Variants in MICU3 observed in about 807,000 individuals in gnomAD.
MICU3 encodes the protein calcium uptake protein 3, mitochondrial.
MICU3 carries 62 observed loss-of-function variants against 66.5 expected under a neutral mutation model. That is an observed-to-expected ratio of 0.93 (90% CI 0.76 to 1.15). MICU3 has a LOEUF of 1.15. Ranked by LOEUF, MICU3 falls within the 50% of genes most tolerant of loss-of-function variation. The pLI, the probability that MICU3 is intolerant of heterozygous loss-of-function variation, is 0.00. For missense variants in MICU3, 779 were observed against 664.4 expected, an observed-to-expected ratio of 1.17 and a Z score of -1.90; for synonymous variants, 308 against 240.7, an observed-to-expected ratio of 1.28 and a Z score of -2.59.
chr8:17,072,470 A>G (rs1201697651), intron 3 of MICU3, among the ~76,000 whole-genome samples: 7 of 150,872 alleles, frequency 4.6e-5, no homozygotes, highest in Non-Finnish European at 8.9e-5. Context: ...TTTTTTTTAG[A>G]TAAGACACAA....
intron 2 of MICU3, among the ~76,000 whole-genome samples, chr8:17,066,872 A>G (rs1469657222): frequency 2.0e-5 from 3 of 151,890 alleles, no homozygotes; most frequent in Non-Finnish European, 4.4e-5. Flanking sequence ...GAAAAATTTT[A>G]CTTCATTATT....
chr8:17,104,543 A>T, intron 10 of MICU3, 52 bp downstream of exon 10: 1 of 968,236 alleles, frequency 1.0e-6, no homozygotes, highest in Non-Finnish European at 1.5e-6. Flanking sequence ...CTGAAATCAG[A>T]AGGATCTTTA....
rs1379773586 is a variant in MICU3 at position 17,058,069 on chromosome 8, C to T, written c.382-6015C>T. Among the ~76,000 whole-genome samples the T allele has an allele frequency of 3.3e-5, 5 of 152,172 alleles. No individual in the cohort carries two copies. The South Asian group carries it at 8.3e-4, about 25-fold the overall frequency. ...TTCACCATGTTGGCCAGGCTGGTCT[C>T]GAACTCCTGACCGCAGGTGATCCAC... is the stretch of plus-strand genomic sequence containing the variant. On this transcript the variant is annotated intron_variant, in intron 1 of 14. Coordinates refer to ENST00000318063, the MANE Select transcript of MICU3 (RefSeq NM_181723.3).
chr8:17,050,236 G>T (rs1326016333), intron 1 of MICU3, among the ~76,000 whole-genome samples: 1 of 152,038 alleles, frequency 6.6e-6, no homozygotes, highest in African/African-American at 2.4e-5. Context: ...GTAATGAGCA[G>T]TTTTCTTACA....
Position 17,116,611 on chromosome 8 carries a change from A to C in MICU3, c.1524+11A>C, listed in dbSNP as rs371055888. 2.6e-6 allele frequency: 4 copies of C among 1,535,722 alleles called. No individual in the cohort carries two copies. In the African/African-American group the frequency reaches 5.7e-5, roughly 22 times the overall value. ...CATAGAGGATTCCGGGTAAACCTAC[A>C]CATTTTAAACCTATTGATATCCTTT... On this transcript the variant is annotated intron_variant, in intron 13 of 14. Coordinates refer to ENST00000318063, the MANE Select transcript of MICU3 (RefSeq NM_181723.3).
At chr8:17,086,455 C>A (rs74530515) in intron 6 of MICU3, among the ~76,000 whole-genome samples, 128 of 152,200 alleles carry the variant, frequency 8.4e-4, no homozygotes, top group African/African-American at 2.9e-3. Context: ...AGCCTTCATT[C>A]CAGTGCTTTG....
At position 17,098,556 on chromosome 8, in the gene MICU3, A is replaced by G. The variant is rs767381722; in HGVS notation, c.984+3A>G. On this transcript the variant is annotated splice_donor_region_variant and intron_variant, in intron 9 of 14. Coordinates refer to ENST00000318063, the MANE Select transcript of MICU3 (RefSeq NM_181723.3). Reference sequence around the variant, plus strand: ...CACTGTTTTCAGACCTCGCAGAGGTATAATTAAACCTCAACAAGGTCCTTG... The same window carrying G: ...CACTGTTTTCAGACCTCGCAGAGGTGTAATTAAACCTCAACAAGGTCCTTG... The G allele has an allele frequency of 1.3e-6, 2 of 1,580,954 alleles. No individual in the cohort carries two copies. The highest frequency in any genetic ancestry group is 1.1e-5 in the South Asian group (1 of 90,350).
intron 2 of MICU3, among the ~76,000 whole-genome samples, chr8:17,065,922 A>G (rs528875557): frequency 7.9e-5 from 12 of 152,196 alleles, no homozygotes; most frequent in African/African-American, 2.2e-4. Flanking sequence ...AAAGATTTTA[A>G]CAAGAAACTA....
intron 4 of MICU3, among the ~76,000 whole-genome samples, chr8:17,078,907 A>G (rs1210966202): frequency 2.0e-5 from 3 of 152,178 alleles, no homozygotes; most frequent in African/African-American, 7.2e-5. Context: ...AAAGATTGCC[A>G]TTCAGATCTT....
chr8:17,085,207 G>T, intron 5 of MICU3, 29 bp from the exon 6 acceptor site: 3 of 1,508,574 alleles, frequency 2.0e-6, no homozygotes, highest in Non-Finnish European at 9.1e-7. Context: ...TTTCCATTTT[G>T]TGAATACCTT....
At chr8:17,104,681 A>T (rs960565911) in intron 10 of MICU3, among the ~76,000 whole-genome samples, 190 bp downstream of exon 10, 1 of 151,972 alleles carries the variant, frequency 6.6e-6, no homozygotes, top group East Asian at 1.9e-4. Context: ...TATAACAGGA[A>T]GTTACTGAAT....
intron 2 of MICU3, 86 bp from the exon 3 acceptor site, chr8:17,069,602 A>G (rs1391318423): frequency 1.2e-5 from 10 of 801,242 alleles, no homozygotes; most frequent in Non-Finnish European, 1.9e-5. Flanking sequence ...TTTGGTTATG[A>G]GTTATGGTTG....
chr8:17,118,313 T>A (rs1255513087), intron 13 of MICU3, among the ~76,000 whole-genome samples: 1 of 152,214 alleles, frequency 6.6e-6, no homozygotes, highest in Non-Finnish European at 1.5e-5. Context: ...TACAAATATG[T>A]ATTTATGGGG....
chr8:17,029,195 G>A (rs1219663390), intron 1 of MICU3, among the ~76,000 whole-genome samples: 1 of 152,112 alleles, frequency 6.6e-6, no homozygotes, highest in African/African-American at 2.4e-5. Context: ...TTATTTTTTG[G>A]CTGAGCGTGG....
chr8:17,104,611 C>T (rs1302591363), intron 10 of MICU3, 120 bp downstream of exon 10: 1 of 445,170 alleles, frequency 2.2e-6, no homozygotes, highest in Non-Finnish European at 3.9e-6. Context: ...AAATAAGATC[C>T]TCTGTATAAT....
intron 12 of MICU3, among the ~76,000 whole-genome samples, chr8:17,116,107 G>T (rs1229598561): frequency 6.6e-6 from 1 of 152,126 alleles, no homozygotes; most frequent in Non-Finnish European, 1.5e-5. Context: ...ATGATTATTT[G>T]GGCAGGGGTC....
Position 17,105,465 on chromosome 8 carries a change from T to C in MICU3, c.1138T>C (p.Ser380Pro). 1 of 1,574,380 alleles carries C rather than the reference T, an allele frequency of 6.4e-7. No individual in the cohort carries two copies. Residue 380 changes from serine (S) to proline (P), a missense_variant, in exon 11 of 15, where the codon TCA (serine) becomes CCA (proline). By Grantham distance (74) the Ser-to-Pro change is moderately conservative (BLOSUM62 -1). Coordinates refer to ENST00000318063, the MANE Select transcript of MICU3 (RefSeq NM_181723.3). ...TCTAGAAATAGAATTCCTTTCCTAC[T>C]CAAATGGAATGAATACCATCAGTGA... is the stretch of plus-strand genomic sequence containing the variant. ...EVLEIEFLSY[S>P]NGMNTISEED...
chr8:17,043,893 G>C (rs1470440191), intron 1 of MICU3, among the ~76,000 whole-genome samples: 1 of 152,182 alleles, frequency 6.6e-6, no homozygotes, highest in South Asian at 2.1e-4. Context: ...TGTAAATTTT[G>C]TGAGTTATAA....
At chr8:17,079,321 T>C (rs758186212) in intron 4 of MICU3, among the ~76,000 whole-genome samples, 2 of 152,136 alleles carry the variant, frequency 1.3e-5, no homozygotes, top group Non-Finnish European at 2.9e-5. Context: ...TTAAGTATTT[T>C]AAATTTAAAT....
Sources: allele counts gnomAD v4.1 joint callset (sites outside exome capture counted in the v4.1 genomes callset), GRCh38; gene constraint gnomAD v4.1.1; transcripts MANE v1.5; gene names NCBI Gene and HGNC (gene_info 2026-07-23, HGNC 2026-07-21).